Variants in NCAPH2 observed in about 807,000 individuals in gnomAD.
The protein encoded by NCAPH2 is non-SMC condensin II complex subunit H2.
In NCAPH2, 56 loss-of-function variants were observed where a neutral mutation model predicts 88.6. That is an observed-to-expected ratio of 0.63 (90% CI 0.51 to 0.79). NCAPH2 has a LOEUF of 0.79. Ranked by LOEUF, NCAPH2 falls within the 30% of genes least tolerant of loss-of-function variation. The pLI is 0.00. For missense variants in NCAPH2, 794 were observed against 792.0 expected, an observed-to-expected ratio of 1.00 and a Z score of -0.03; for synonymous variants, 378 against 313.6, an observed-to-expected ratio of 1.21 and a Z score of -2.17.
chr22:50,520,461 C>T (rs1439901014), intron 9 of NCAPH2: 1 of 151,348 alleles, frequency 6.6e-6, no homozygotes, highest in Non-Finnish European at 1.5e-5. Flanking sequence ...ACTGCATTGC[C>T]CAGGCTGGTC....
At chr22:50,516,335 T>TGCCCGTCTCGGGAG (rs2068921616) in intron 1 of NCAPH2, 112 bp from the exon 2 acceptor site, 2 of 893,616 alleles carry the variant, frequency 2.2e-6, no homozygotes, top group Admixed American at 4.0e-5. Context: ...TAGCTAGAGC[T>TGCCCGTCTCGGGAG]GCCCGTCTCG....
At position 50,518,157 on chromosome 22, in the gene NCAPH2, C is replaced by A; in HGVS notation, c.525C>A (p.Ser175Arg). The change falls in exon 7 of 20, where the codon AGC becomes AGA. Residue 175 changes from serine (S) to arginine (R), a missense_variant. Coordinates refer to ENST00000420993, the MANE Select transcript of NCAPH2 (RefSeq NM_152299.4). ...GCCGTCAGGGTGAGGTCCTGGCCAG[C>A]CGGAAGGATTTCAGGATGAACACGT... ...LYSRQGEVLA[S>R]RKDFRMNTCV... 6.2e-7 allele frequency: 1 copy of A among 1,614,046 alleles called. No homozygotes were observed. The highest frequency in any genetic ancestry group is 1.1e-5 in the South Asian group (1 of 91,082).
rs2069179205 is a variant in NCAPH2, at chr22:50,523,453, A to G, written c.*78A>G. On this transcript the variant is annotated 3_prime_UTR_variant, in exon 20 of 20. Coordinates refer to ENST00000420993, the MANE Select transcript of NCAPH2 (RefSeq NM_152299.4). ...CTGCTCCTGGCTGGCCCGGCCTAAT[A>G]AAGCAGTGTTGCCATCTCATCTTCC... 2.0e-6 allele frequency: 3 copies of G among 1,526,172 alleles called. No individual in the cohort carries two copies. The Admixed American group carries it at 6.0e-5, about 30-fold the overall frequency. 94.5% of individuals were successfully genotyped at this position (1,526,172 alleles called of 1,614,324 possible).
intron 1 of NCAPH2, among the ~76,000 whole-genome samples, chr22:50,515,947 C>T (rs1005504934): frequency 1.3e-5 from 2 of 151,938 alleles, no homozygotes; most frequent in Admixed American, 6.6e-5. Flanking sequence ...GGGGGTGGAG[C>T]GCCTGGCGCA....
chr22:50,514,916 A>T (rs548946731), intron 1 of NCAPH2, among the ~76,000 whole-genome samples: 1 of 152,348 alleles, frequency 6.6e-6, no homozygotes, highest in South Asian at 2.1e-4. Context: ...TGTTTAGATC[A>T]TGCTCATTTT....
chr22:50,522,261 A>G lies in NCAPH2; in HGVS notation c.1233+10A>G, dbSNP rs374776978. 8.7e-6 allele frequency: 14 copies of G among 1,612,782 alleles called. No individual in the cohort carries two copies. Among genetic ancestry groups the G allele is most frequent in the Admixed American group, 1.7e-5 (1 of 59,864 alleles). On this transcript the variant is annotated intron_variant, in intron 14 of 19. Transcript: ENST00000420993. ...GCTGCAGAGGAGGGAGGCAAGTCCC[A>G]GCTGGTCAGCTGTGATCTAGGACCC...
chr22:50,509,627 C>G (rs920144643), intron 1 of NCAPH2, among the ~76,000 whole-genome samples: 6 of 152,232 alleles, frequency 3.9e-5, no homozygotes, highest in African/African-American at 1.4e-4. Flanking sequence ...TCCCTTATCC[C>G]TGTTTTTGTC....
intron 1 of NCAPH2, among the ~76,000 whole-genome samples, chr22:50,511,285 CT>C (rs910583115): frequency 7.8e-4 from 86 of 109,650 alleles, no homozygotes; most frequent in East Asian, 5.5e-3. Flanking sequence ...GCCTCAGCCT[CT>C]TTTTTTTTTT....
Position 50,517,616 on chromosome 22 carries a change from C to A in NCAPH2, c.306C>A (p.Ala102=). The A allele has an allele frequency of 6.2e-7, 1 of 1,614,120 alleles. No homozygotes were observed. Among genetic ancestry groups the A allele is most frequent in the Non-Finnish European group, 8.5e-7 (1 of 1,180,018 alleles). The part of the protein sequence containing the change: ...KQLSSVQEDR[A]NGVASSGVPQ... ...TCTCTTCGGTGCAGGAGGACAGGGC[C>A]AATGGGGTTGCCAGCTCCGGGGTCC... Residue 102 remains alanine, a synonymous_variant, in exon 4 of 20, where the codon GCC becomes GCA. Transcript: ENST00000420993.
chr22:50,511,492 C>T (rs559020419), intron 1 of NCAPH2, among the ~76,000 whole-genome samples: 4,299 of 141,736 alleles, frequency 0.03, 160 homozygotes, highest in Non-Finnish European at 0.045. Flanking sequence ...GGGGTTTCAC[C>T]GTGTTAGCCA....
At position 50,524,340 on chromosome 22, in the gene NCAPH2, C is replaced by T. The variant is rs1334816169; in HGVS notation, c.*965C>T. 9 of 1,601,876 alleles carry T rather than the reference C, an allele frequency of 5.6e-6. No individual in the cohort carries two copies. The highest frequency in any genetic ancestry group is 1.3e-5 in the African/African-American group (1 of 75,030). On this transcript the variant is annotated 3_prime_UTR_variant, in exon 20 of 20. Coordinates refer to ENST00000420993, the MANE Select transcript of NCAPH2 (RefSeq NM_152299.4). ...GATGCAGGGCCTGGCCTCCCAGGGT[C>T]CCAGGGAGGACCCGAGGCTTGAGCT...
intron 1 of NCAPH2, 28 bp from the exon 2 acceptor site, chr22:50,516,419 C>T (rs752638262): frequency 8.1e-6 from 13 of 1,607,948 alleles, no homozygotes; most frequent in East Asian, 4.5e-5. Context: ...GCCTTGGATT[C>T]CCCCTGTCTT....
intron 1 of NCAPH2, 32 bp downstream of exon 1, chr22:50,508,477 GCCGGCGGGTGGGGCTGC>G: frequency 1.5e-6 from 1 of 672,042 alleles, no homozygotes; most frequent in Admixed American, 4.5e-5. Flanking sequence ...CGCGGGGTGG[GCCGGCGGGTGGGGCTGC>G]GGGGCGGGGG....
At chr22:50,510,070 C>T (rs140546440) in intron 1 of NCAPH2, among the ~76,000 whole-genome samples, 1,681 of 152,226 alleles carry the variant, frequency 0.011, 34 homozygotes, top group African/African-American at 0.037. Flanking sequence ...TACAGGCGCC[C>T]GCCTCCACGC....
intron 7 of NCAPH2, 96 bp downstream of exon 7, chr22:50,518,374 G>A (rs1356830635): frequency 2.0e-6 from 3 of 1,514,032 alleles, no homozygotes; most frequent in South Asian, 1.3e-5. Flanking sequence ...CTCTGGTCTT[G>A]GGAGCTCCCT....
intron 8 of NCAPH2, 97 bp downstream of exon 8, chr22:50,518,829 G>C: frequency 2.5e-6 from 3 of 1,220,532 alleles, no homozygotes; most frequent in Non-Finnish European, 3.4e-6. Flanking sequence ...GCTGCTCTCA[G>C]CTGCCAGCCT....
intron 12 of NCAPH2, 41 bp from the exon 13 acceptor site, chr22:50,521,945 C>A (rs1406119789): frequency 6.2e-7 from 1 of 1,613,592 alleles, no homozygotes; most frequent in Non-Finnish European, 8.5e-7. Context: ...ATGCTGTGGG[C>A]AGCTCTTGGC....
Position 50,523,665 on chromosome 22 carries a change from C to G in NCAPH2, c.*290C>G, listed in dbSNP as rs780783257. 1.9e-6 allele frequency: 3 copies of G among 1,613,936 alleles called. No homozygotes were observed. Among genetic ancestry groups the G allele is most frequent in the East Asian group, 4.5e-5 (2 of 44,894 alleles). On this transcript the variant is annotated 3_prime_UTR_variant, in exon 20 of 20. Coordinates refer to ENST00000420993, the MANE Select transcript of NCAPH2 (RefSeq NM_152299.4). ...TGTGCCGCCGCACACTGTCTGAGAT[C>G]TGCTCAGCCGATCTGCTCCGGCCGT...
intron 1 of NCAPH2, 93 bp from the exon 2 acceptor site, chr22:50,516,354 T>C (rs2068922637): frequency 7.7e-6 from 9 of 1,171,388 alleles, no homozygotes; most frequent in Non-Finnish European, 5.0e-6. Flanking sequence ...CGGGAGGTGC[T>C]GGGCAGAGAC....
Sources: gnomAD v4.1 joint callset for allele counts (sites outside exome capture counted in the v4.1 genomes callset) on GRCh38, gnomAD v4.1.1 for gene constraint, MANE v1.5 for transcripts, NCBI Gene and HGNC (gene_info 2026-07-23, HGNC 2026-07-21) for gene names.